The following AGBL4 variants were observed in gnomAD, a reference collection of about 807,000 sequenced individuals.
AGBL4 encodes the protein cytosolic carboxypeptidase 6.
AGBL4 carries 58 observed loss-of-function variants against 66.4 expected under a neutral mutation model. That is an observed-to-expected ratio of 0.87 (90% confidence interval 0.71 to 1.09). The LOEUF is 1.09. AGBL4 is among the 50% of genes least tolerant of loss of function. The pLI, the probability that AGBL4 is intolerant of heterozygous loss-of-function variation, is 0.00. For synonymous variants in AGBL4, 234 were observed against 222.9 expected (o/e 1.05, Z -0.44); for missense variants, 579 against 631.0 (o/e 0.92, Z 0.88).
At chr1:50,010,481 C>T (rs1002535722) in intron 1 of AGBL4, among the ~76,000 whole-genome samples, 2 of 151,362 alleles carry the variant, frequency 1.3e-5, no homozygotes, top group African/African-American at 4.9e-5. Flanking sequence ...CACACACACA[C>T]ACACACACAC....
chr1:49,066,819 G>A (rs1401715832), intron 4 of AGBL4, among the ~76,000 whole-genome samples: 3 of 152,150 alleles, frequency 2.0e-5, no homozygotes. Flanking sequence ...GATGCAGCCT[G>A]GAGAAGAGAC....
chr1:49,421,287 A>T (rs2148642538), intron 3 of AGBL4, among the ~76,000 whole-genome samples: 1 of 152,156 alleles, frequency 6.6e-6, no homozygotes, highest in South Asian at 2.1e-4. Context: ...CCAAGCACAC[A>T]GTAGTCTCCC....
chr1:49,265,584 G>A (rs995418366), intron 3 of AGBL4, among the ~76,000 whole-genome samples: 2 of 152,060 alleles, frequency 1.3e-5, no homozygotes, highest in Non-Finnish European at 2.9e-5. Flanking sequence ...ACTTCTTACT[G>A]TGTGATTTAT....
intron 4 of AGBL4, among the ~76,000 whole-genome samples, chr1:49,176,085 G>A (rs906815541): frequency 6.6e-6 from 1 of 152,118 alleles, no homozygotes; most frequent in African/African-American, 2.4e-5. Context: ...TACTCTGTAG[G>A]TACATAGTTA....
At chr1:49,260,225 C>T (rs1350351704) in intron 3 of AGBL4, among the ~76,000 whole-genome samples, 10 of 151,808 alleles carry the variant, frequency 6.6e-5, no homozygotes, top group African/African-American at 2.4e-4. Context: ...AAAATTGACA[C>T]CCTAAGATCA....
chr1:49,768,423 A>G (rs990878122), intron 2 of AGBL4, among the ~76,000 whole-genome samples: 1 of 152,220 alleles, frequency 6.6e-6, no homozygotes, highest in Non-Finnish European at 1.5e-5. Context: ...AAAAACAAAA[A>G]TCATGTGATC....
intron 3 of AGBL4, among the ~76,000 whole-genome samples, chr1:49,556,136 C>G (rs1653425402): frequency 6.6e-6 from 1 of 152,128 alleles, no homozygotes. Context: ...ACCCAAATGT[C>G]CAACAATTAT....
At chr1:48,647,255 C>T (rs1397037757) in intron 8 of AGBL4, among the ~76,000 whole-genome samples, 1 of 152,176 alleles carries the variant, frequency 6.6e-6, no homozygotes, top group Non-Finnish European at 1.5e-5. Context: ...CTCCCCACCC[C>T]ACCTCCACAC....
intron 4 of AGBL4, among the ~76,000 whole-genome samples, chr1:49,160,173 T>G (rs1285121932): frequency 1.3e-5 from 2 of 152,220 alleles, no homozygotes; most frequent in African/African-American, 4.8e-5. Context: ...CAGCCTTTTT[T>G]GCACTGTTTT....
chr1:48,747,389 G>C (rs1055396321), intron 6 of AGBL4, among the ~76,000 whole-genome samples: 3 of 152,170 alleles, frequency 2.0e-5, no homozygotes, highest in Non-Finnish European at 4.4e-5. Flanking sequence ...GGTAGTACTT[G>C]TCTTTTCATT....
Position 48,942,969 on chromosome 1 carries a change from G to A in AGBL4, c.595-75739C>T, listed in dbSNP as rs141615114. ...CCTACTAGTGAGCTGGATTTTTTAC[G>A]GATTCACTCATTTTAAGCAAATTAT... is the stretch of plus-strand genomic sequence containing the variant. On this transcript the variant is annotated intron_variant, in intron 5 of 13. Coordinates refer to ENST00000371839, the MANE Select transcript of AGBL4 (RefSeq NM_032785.4). Among the ~76,000 whole-genome samples, 18 of 152,182 alleles carry A rather than the reference G, an allele frequency of 1.2e-4. No homozygotes were observed. In the East Asian group the frequency reaches 2.1e-3, roughly 18 times the overall value.
intron 5 of AGBL4, among the ~76,000 whole-genome samples, chr1:48,997,387 A>G (rs1445811049): frequency 6.6e-6 from 1 of 152,158 alleles, no homozygotes; most frequent in Non-Finnish European, 1.5e-5. Context: ...AGGTTGATGA[A>G]TTTTCAGGTA....
chr1:49,541,270 G>A (rs1293694456), intron 3 of AGBL4, among the ~76,000 whole-genome samples: 7 of 152,178 alleles, frequency 4.6e-5, no homozygotes, highest in Non-Finnish European at 1.0e-4. Context: ...TGCACTATGG[G>A]AGCCCCTCTC....
intron 3 of AGBL4, among the ~76,000 whole-genome samples, chr1:49,312,737 C>G (rs1044815479): frequency 1.3e-5 from 2 of 152,080 alleles, no homozygotes; most frequent in Admixed American, 6.6e-5. Context: ...CAACATCATA[C>G]GTCAATTAGA....
chr1:49,504,519 C>T (rs1648497041), intron 3 of AGBL4, among the ~76,000 whole-genome samples: 1 of 151,940 alleles, frequency 6.6e-6, no homozygotes, highest in Admixed American at 6.6e-5. Flanking sequence ...TTTAGATGCT[C>T]CAATTTTGGG....
chr1:49,102,280 G>A (rs1260158005), intron 4 of AGBL4, among the ~76,000 whole-genome samples: 1 of 152,156 alleles, frequency 6.6e-6, no homozygotes, highest in African/African-American at 2.4e-5. Flanking sequence ...TAGAGTGGAG[G>A]AGGAGGCAGG....
chr1:49,960,679 A>C (rs1406303958), intron 1 of AGBL4, among the ~76,000 whole-genome samples: 1 of 152,132 alleles, frequency 6.6e-6, no homozygotes, highest in Non-Finnish European at 1.5e-5. Context: ...CTCATGGATA[A>C]GTACAATCAC....
intron 3 of AGBL4, among the ~76,000 whole-genome samples, chr1:49,590,052 A>G (rs1644723323): frequency 6.6e-6 from 1 of 152,120 alleles, no homozygotes; most frequent in Non-Finnish European, 1.5e-5. Flanking sequence ...TCACATAAAC[A>G]AAAATTGTTT....
intron 3 of AGBL4, among the ~76,000 whole-genome samples, chr1:49,554,607 G>A (rs1361301085): frequency 6.6e-6 from 1 of 152,226 alleles, no homozygotes; most frequent in Admixed American, 6.5e-5. Context: ...GGCAGAGAAA[G>A]AGCAAAGTAG....
Sources: gnomAD v4.1 joint callset for allele counts (sites outside exome capture counted in the v4.1 genomes callset) on GRCh38, gnomAD v4.1.1 for gene constraint, MANE v1.5 for transcripts, NCBI Gene and HGNC (gene_info 2026-07-23, HGNC 2026-07-21) for gene names.